The following DYTN variants were observed in gnomAD, a reference collection of about 807,000 sequenced individuals.
The protein encoded by DYTN is dystrotelin.
DYTN carries 75 observed loss-of-function variants against 69.6 expected under a neutral mutation model. The ratio of observed to expected loss-of-function variants is 1.08; its 90% CI spans 0.89 to 1.31. DYTN has a LOEUF of 1.31. Among genes scored for constraint, DYTN ranks in the 50% most tolerant of loss-of-function variants. DYTN has a pLI of 0.00. For missense variants in DYTN, 726 were observed against 688.4 expected, an observed-to-expected ratio of 1.05 and a Z score of -0.61; for synonymous variants, 252 against 249.1, an observed-to-expected ratio of 1.01 and a Z score of -0.11.
At chr2:206,715,951 G>A (rs1459797295) in intron 1 of DYTN, among the ~76,000 whole-genome samples, 2 of 152,114 alleles carry the variant, frequency 1.3e-5, no homozygotes, top group Admixed American at 6.5e-5. Flanking sequence ...AGCTGGGTGT[G>A]GTGGTGCGTG....
chr2:206,691,655 T>C (rs1373001346), intron 9 of DYTN, among the ~76,000 whole-genome samples: 1 of 152,200 alleles, frequency 6.6e-6, no homozygotes, highest in Non-Finnish European at 1.5e-5. Flanking sequence ...ATATCCAAAT[T>C]ATCTAACTTT....
intron 9 of DYTN, among the ~76,000 whole-genome samples, chr2:206,686,338 A>C (rs932650233): frequency 6.6e-6 from 1 of 152,220 alleles, no homozygotes; most frequent in African/African-American, 2.4e-5. Context: ...TGGAAGTAGA[A>C]GCCTCGAAGA....
rs1451722321 is a variant in DYTN at position 206,690,553 on chromosome 2, G to A, written c.980+2622C>T. On this transcript the variant is annotated intron_variant, in intron 9 of 11. Coordinates refer to ENST00000452335, the MANE Select transcript of DYTN (RefSeq NM_001093730.1). ...ACCAGTTAGGAGGTCATGTGACAAT[G>A]TGGGAGAAAGGGACCGCTGAGGTGG... 2.6e-5 allele frequency among the ~76,000 whole-genome samples: 4 copies of A among 152,332 alleles called. No homozygotes were observed. In the East Asian group the frequency reaches 5.8e-4, roughly 22 times the overall value.
intron 9 of DYTN, among the ~76,000 whole-genome samples, chr2:206,673,331 C>G (rs1183697307): frequency 6.6e-6 from 1 of 152,078 alleles, no homozygotes; most frequent in African/African-American, 2.4e-5. Context: ...AGTCTTGGCT[C>G]ACTGCAACCT....
intron 1 of DYTN, among the ~76,000 whole-genome samples, chr2:206,713,809 G>A (rs771979992): frequency 6.6e-6 from 1 of 152,214 alleles, no homozygotes; most frequent in Non-Finnish European, 1.5e-5. Flanking sequence ...CTGAAGCCAA[G>A]ACTTACTTGT....
chr2:206,713,139 T>C (rs965971395), intron 1 of DYTN, among the ~76,000 whole-genome samples: 18 of 152,270 alleles, frequency 1.2e-4, no homozygotes, highest in African/African-American at 4.3e-4. Flanking sequence ...ATAAATATTG[T>C]ATTATTTATC....
intron 1 of DYTN, among the ~76,000 whole-genome samples, chr2:206,713,844 T>C (rs1237458797): frequency 6.6e-6 from 1 of 152,084 alleles, no homozygotes; most frequent in African/African-American, 2.4e-5. Context: ...GAGGAAGAAG[T>C]CTTGAGGAAA....
chr2:206,691,827 G>A (rs1375128102), intron 9 of DYTN, among the ~76,000 whole-genome samples: 1 of 152,164 alleles, frequency 6.6e-6, no homozygotes, highest in Non-Finnish European at 1.5e-5. Context: ...AGAAATAGGG[G>A]TCTGGGATTG....
chr2:206,668,246 T>C (rs988220115), intron 9 of DYTN, among the ~76,000 whole-genome samples: 25 of 152,202 alleles, frequency 1.6e-4, no homozygotes, highest in Non-Finnish European at 5.9e-5. Context: ...CCACCACCCA[T>C]GTCTGCTTCC....
intron 9 of DYTN, among the ~76,000 whole-genome samples, chr2:206,677,989 C>CA (rs66801707): frequency 0.021 from 2,896 of 135,448 alleles, 83 homozygotes; most frequent in African/African-American, 0.07. Context: ...GACTCCATCT[C>CA]AAAAAAAAAA....
At chr2:206,713,409 C>T (rs1201937021) in intron 1 of DYTN, among the ~76,000 whole-genome samples, 1 of 152,146 alleles carries the variant, frequency 6.6e-6, no homozygotes, top group East Asian at 1.9e-4. Context: ...TGAAGTATTG[C>T]TAACTGCTCC....
intron 10 of DYTN, among the ~76,000 whole-genome samples, chr2:206,664,889 C>G (rs1177918513): frequency 1.3e-5 from 2 of 152,060 alleles, no homozygotes; most frequent in Non-Finnish European, 2.9e-5. Context: ...TCCAAATGAC[C>G]AATGTATAAT....
intron 11 of DYTN, among the ~76,000 whole-genome samples, chr2:206,661,812 A>T (rs992498379): frequency 5.3e-5 from 8 of 152,210 alleles, no homozygotes; most frequent in African/African-American, 1.9e-4. Context: ...TCAACTGTGC[A>T]GGGGGCCAGC....
At chr2:206,693,140 C>T (rs768055361) in intron 9 of DYTN, 35 bp downstream of exon 9, 29 of 1,575,816 alleles carry the variant, frequency 1.8e-5, no homozygotes, top group Admixed American at 1.1e-4. Context: ...TTGGTGGCTG[C>T]TCTGTGGGAT....
At chr2:206,691,723 A>T (rs1168895679) in intron 9 of DYTN, among the ~76,000 whole-genome samples, 1 of 152,236 alleles carries the variant, frequency 6.6e-6, no homozygotes, top group Non-Finnish European at 1.5e-5. Context: ...AATAGATAGC[A>T]TCTAATTGTG....
chr2:206,700,406 A>G (rs1699965024), intron 5 of DYTN, among the ~76,000 whole-genome samples, 190 bp from the exon 6 acceptor site: 1 of 152,188 alleles, frequency 6.6e-6, no homozygotes. Flanking sequence ...GGTTAAGACA[A>G]TGAATAAGCA....
At chr2:206,699,511 C>T (rs779207449) in intron 7 of DYTN, among the ~76,000 whole-genome samples, 9 of 152,096 alleles carry the variant, frequency 5.9e-5, no homozygotes, top group Non-Finnish European at 1.2e-4. Context: ...TCACATTATG[C>T]GTCAGTGGAA....
chr2:206,687,973 G>A (rs1699830484), intron 9 of DYTN, among the ~76,000 whole-genome samples: 2 of 152,150 alleles, frequency 1.3e-5, no homozygotes, highest in South Asian at 4.1e-4. Context: ...TACTATTCTT[G>A]TACAACTATT....
intron 5 of DYTN, among the ~76,000 whole-genome samples, chr2:206,703,120 A>G (rs540927795): frequency 3.2e-4 from 48 of 152,240 alleles, no homozygotes; most frequent in Middle Eastern, 3.4e-3. Context: ...CGGAGTGCTG[A>G]GGGAGCTTCT....
Sources: allele counts gnomAD v4.1 joint callset (sites outside exome capture counted in the v4.1 genomes callset), GRCh38; gene constraint gnomAD v4.1.1; transcripts MANE v1.5; gene names NCBI Gene and HGNC (gene_info 2026-07-23, HGNC 2026-07-21).